The following LNPEP variants were observed in gnomAD, a reference collection of about 807,000 sequenced individuals.
LNPEP encodes the protein leucyl and cystinyl aminopeptidase.
LNPEP carries 64 observed loss-of-function variants against 120.6 expected under a neutral mutation model. That is an observed-to-expected ratio of 0.53 (90% CI 0.43 to 0.65). The LOEUF (loss-of-function observed/expected upper bound fraction) is 0.65. Among genes scored for constraint, LNPEP ranks in the 30% least tolerant of loss-of-function variants. The pLI is 0.00. For synonymous variants in LNPEP, 435 were observed against 425.4 expected, an observed-to-expected ratio of 1.02 and a Z score of -0.28; for missense variants, 1,057 against 1,200.0, an observed-to-expected ratio of 0.88 and a Z score of 1.76.
chr5:96,989,187 C>T (rs754199670), intron 4 of LNPEP, among the ~76,000 whole-genome samples: 20 of 148,332 alleles, frequency 1.3e-4, no homozygotes, highest in Admixed American at 8.8e-4. Flanking sequence ...AGCTATGGGC[C>T]CTTAAGTAGA....
At chr5:97,019,701 A>G (rs1474917609) in intron 13 of LNPEP, among the ~76,000 whole-genome samples, 1 of 152,112 alleles carries the variant, frequency 6.6e-6, no homozygotes, top group Non-Finnish European at 1.5e-5. Context: ...GTAAACTCTC[A>G]ATGAGTATTG....
chr5:96,942,141 A>G (rs1216587618), intron 1 of LNPEP, among the ~76,000 whole-genome samples: 1 of 152,176 alleles, frequency 6.6e-6, no homozygotes, highest in African/African-American at 2.4e-5. Context: ...TCTTTTTTAT[A>G]GTCAGAAAAT....
intron 1 of LNPEP, among the ~76,000 whole-genome samples, chr5:96,946,395 T>C (rs1373126270): frequency 6.6e-6 from 1 of 152,176 alleles, no homozygotes; most frequent in Non-Finnish European, 1.5e-5. Flanking sequence ...GACTTGGGGA[T>C]TAGATAATAG....
chr5:96,957,315 T>C (rs1200366661), intron 1 of LNPEP, among the ~76,000 whole-genome samples: 1 of 152,200 alleles, frequency 6.6e-6, no homozygotes, highest in African/African-American at 2.4e-5. Context: ...CTGTGGCCAG[T>C]GGCTCCAATG....
At chr5:97,027,187 A>G (rs771993726) in intron 16 of LNPEP, among the ~76,000 whole-genome samples, 3 of 152,084 alleles carry the variant, frequency 2.0e-5, no homozygotes, top group Non-Finnish European at 2.9e-5. Flanking sequence ...CCCCATTTCC[A>G]CTAAAAATAC....
chr5:96,988,339 CT>C (rs201343272), intron 4 of LNPEP, among the ~76,000 whole-genome samples: 52 of 125,190 alleles, frequency 4.2e-4, no homozygotes, highest in Middle Eastern at 4.2e-3. Context: ...TTTTTCTTTT[CT>C]TTTTTTTTTT....
chr5:96,975,213 C>T (rs965620577), intron 1 of LNPEP, among the ~76,000 whole-genome samples: 5 of 152,144 alleles, frequency 3.3e-5, no homozygotes, highest in African/African-American at 4.8e-5. Context: ...ATTAATCAAA[C>T]ATCTCCACCT....
Position 97,036,591 on chromosome 5 carries a change from TC to T in LNPEP, c.*8061del, listed in dbSNP as rs1791576408. Reference sequence around the variant, plus strand: ...TGCATGGGCACACATCCTCCCTCCCTCCCTCTCTGCTCTCCTCCCTTCCTTC... The same window carrying T: ...TGCATGGGCACACATCCTCCCTCCCTCCTCTCTGCTCTCCTCCCTTCCTTC... On this transcript the variant is annotated 3_prime_UTR_variant, in exon 18 of 18. Transcript: ENST00000231368. 1 of 152,190 alleles carries T rather than the reference TC, an allele frequency of 6.6e-6. No homozygotes were observed. Among genetic ancestry groups the T allele is most frequent in the Non-Finnish European group, 1.5e-5 (1 of 68,050 alleles). 9.4% of individuals were successfully genotyped at this position (152,190 alleles called of 1,614,324 possible). A position where few individuals can be genotyped will look rare whatever the true frequency, so the allele number is the denominator to read the frequency against.
At chr5:97,025,601 T>C (rs2112673532) in intron 15 of LNPEP, among the ~76,000 whole-genome samples, 1 of 152,346 alleles carries the variant, frequency 6.6e-6, no homozygotes, top group African/African-American at 2.4e-5. Context: ...TCGTTTTCTC[T>C]GTTAACAACA....
chr5:96,939,113 T>G (rs1788991431), intron 1 of LNPEP, among the ~76,000 whole-genome samples: 1 of 152,156 alleles, frequency 6.6e-6, no homozygotes, highest in African/African-American at 2.4e-5. Context: ...TTGTAAAAAC[T>G]TAAATTCATC....
chr5:97,009,495 A>AG (rs1198552041), intron 11 of LNPEP, among the ~76,000 whole-genome samples: 3 of 152,238 alleles, frequency 2.0e-5, no homozygotes, highest in Non-Finnish European at 4.4e-5. Context: ...TCTCACTATA[A>AG]AAATTTCTAG....
intron 1 of LNPEP, among the ~76,000 whole-genome samples, chr5:96,938,898 G>C (rs1394636020): frequency 6.6e-6 from 1 of 151,468 alleles, no homozygotes; most frequent in South Asian, 2.1e-4. Context: ...TGCTGGACCA[G>C]TACTTAAGAT....
At chr5:97,022,603 G>T in intron 14 of LNPEP, 119 bp downstream of exon 14, 1 of 816,586 alleles carries the variant, frequency 1.2e-6, no homozygotes, top group Non-Finnish European at 1.9e-6. Flanking sequence ...GTCAGTGTAG[G>T]TGAACTCTAT....
intron 1 of LNPEP, chr5:96,942,238 G>A (rs78814373): frequency 0.016 from 2,489 of 152,282 alleles, 52 homozygotes; most frequent in South Asian, 0.088. Context: ...ACAACGTGGT[G>A]TGGAGCTGTG....
intron 13 of LNPEP, 89 bp downstream of exon 13, chr5:97,015,184 G>A (rs1268438745): frequency 2.4e-6 from 2 of 819,430 alleles, no homozygotes; most frequent in Non-Finnish European, 1.8e-6. Context: ...GGCTGAAAAA[G>A]CAACCAGTTA....
chr5:97,022,192 G>A (rs746315928), intron 13 of LNPEP, 108 bp from the exon 14 acceptor site: 51 of 684,228 alleles, frequency 7.5e-5, no homozygotes, highest in Non-Finnish European at 9.8e-5. Context: ...GCTTCCCAAC[G>A]TGCTGGGATT....
chr5:96,986,692 C>G (rs1582005834), intron 4 of LNPEP, 22 bp downstream of exon 4: 2 of 1,611,090 alleles, frequency 1.2e-6, no homozygotes, highest in African/African-American at 2.7e-5. Context: ...TGGTAATTGT[C>G]TGAAAGCCTG....
rs1465760798 is a variant in LNPEP, at chr5:96,936,152, G to GA, written c.1dup. 4.0e-6 allele frequency: 6 copies of GA among 1,502,826 alleles called. No individual in the cohort carries two copies. Among genetic ancestry groups the GA allele is most frequent in the Admixed American group, 2.2e-5 (1 of 45,742 alleles). The allele number at this position is 1,502,826 out of a possible 1,614,324, so 93.1% of individuals were successfully genotyped here. ...CGGCTGTAAGGAGCCGCGGCGGGGG[G>GA]AAAATGGAGCCCTTCACCAATGGTG... On this transcript the variant is annotated 5_prime_UTR_variant, in exon 1 of 18. Coordinates refer to ENST00000231368, the MANE Select transcript of LNPEP (RefSeq NM_005575.3).
At chr5:97,021,886 C>A (rs1582034421) in intron 13 of LNPEP, among the ~76,000 whole-genome samples, 1 of 113,476 alleles carries the variant, frequency 8.8e-6, no homozygotes. Context: ...GAAAAGAGAT[C>A]TAATTGTCCT....
Sources: allele counts gnomAD v4.1 joint callset (sites outside exome capture counted in the v4.1 genomes callset), GRCh38; gene constraint gnomAD v4.1.1; transcripts MANE v1.5; gene names NCBI Gene and HGNC (gene_info 2026-07-23, HGNC 2026-07-21).